The following TNRC6B variants were observed in gnomAD, a reference collection of about 807,000 sequenced individuals.
The protein encoded by TNRC6B is trinucleotide repeat containing adaptor 6B, also known as trinucleotide repeat-containing gene 6B protein.
Under a neutral mutation model 203.6 loss-of-function variants are expected in TNRC6B, and 52 were observed. The observed-to-expected ratio is 0.26, with a 90% CI of 0.20 to 0.32. The LOEUF (loss-of-function observed/expected upper bound fraction) is 0.32. Ranked by LOEUF, TNRC6B falls within the 10% of genes least tolerant of loss-of-function variation. TNRC6B has a pLI of 1.00. For synonymous variants in TNRC6B, 838 were observed against 845.7 expected (o/e 0.99, Z 0.16); for missense variants, 1,923 against 2,286.2 (o/e 0.84, Z 3.24).
intron 3 of TNRC6B, among the ~76,000 whole-genome samples, chr22:40,146,636 A>G (rs544026882): frequency 7.1e-6 from 1 of 140,612 alleles, no homozygotes; most frequent in African/African-American, 2.7e-5. Context: ...GCGCAATCTC[A>G]GCTTACTGCA....
rs1601831062 is a variant in TNRC6B at position 40,131,569 on chromosome 22, T to C, written c.45+5707T>C. Reference sequence around the variant, plus strand: ...TCCTGATTAATTCAGCACATATTTATTGAGCACCTACTGTGTGCTAGGAAC... The same window carrying C: ...TCCTGATTAATTCAGCACATATTTACTGAGCACCTACTGTGTGCTAGGAAC... On this transcript the variant is annotated intron_variant, in intron 3 of 23. Coordinates refer to the TNRC6B transcript ENST00000301923. Among the ~76,000 whole-genome samples, 3 of 152,300 alleles carry C rather than the reference T, an allele frequency of 2.0e-5. 1 individual carries two copies. In the East Asian group the frequency reaches 5.8e-4, roughly 29 times the overall value.
Position 40,203,615 on chromosome 22 carries a change from A to G in TNRC6B, c.5+25475A>G, listed in dbSNP as rs185566394. On this transcript the variant is annotated intron_variant, in intron 1 of 22. Coordinates refer to ENST00000454349, the MANE Select transcript of TNRC6B (RefSeq NM_001162501.2). ...ATTCTTTAGTTATAATAAGCTCTGTATTTAAAATGAAGTTTTGAGACCAAG... is the reference window on the plus strand; with the variant it reads ...ATTCTTTAGTTATAATAAGCTCTGTGTTTAAAATGAAGTTTTGAGACCAAG... Among the ~76,000 whole-genome samples, 14 of 151,252 alleles carry G rather than the reference A, an allele frequency of 9.3e-5. No individual in the cohort carries two copies. The East Asian group carries it at 1.5e-3, about 17-fold the overall frequency.
intron 1 of TNRC6B, chr22:40,106,916 A>G (rs1039088357): frequency 5.0e-6 from 5 of 1,001,014 alleles, no homozygotes; most frequent in African/African-American, 4.7e-5. Flanking sequence ...TTTTTCATGG[A>G]TAAACTTCCT....
chr22:40,312,123 G>A (rs937202332), intron 17 of TNRC6B, among the ~76,000 whole-genome samples: 11 of 152,218 alleles, frequency 7.2e-5, no homozygotes, highest in Non-Finnish European at 1.0e-4. Context: ...ATGAGAAAGA[G>A]CACTGATCTC....
chr22:40,078,162 C>A (rs2068034847), intron 1 of TNRC6B, among the ~76,000 whole-genome samples: 1 of 152,198 alleles, frequency 6.6e-6, no homozygotes, highest in Non-Finnish European at 1.5e-5. Context: ...AAACTTCTTT[C>A]ATGAAGCATC....
chr22:40,221,857 T>C (rs1291591091), intron 1 of TNRC6B, among the ~76,000 whole-genome samples: 1 of 151,320 alleles, frequency 6.6e-6, no homozygotes, highest in Non-Finnish European at 1.5e-5. Context: ...ACCCAGGTGT[T>C]CTGTGTAGGA....
rs1166468730 is a variant in TNRC6B, at chr22:40,132,969, A to AATAT, written c.45+7126_45+7129dup. Among the ~76,000 whole-genome samples, 271 of 78,140 alleles carry AATAT rather than the reference A, an allele frequency of 3.5e-3. 2 individuals are homozygous for AATAT. The highest frequency in any genetic ancestry group is 6.6e-3 in the African/African-American group (165 of 25,154). The allele number at this position is 78,140 out of a possible 152,430, so 51.3% of individuals were successfully genotyped here. ...AAAAAAAAAAAAAAAAAAAAAAAAA[A>AATAT]ATATATATATATATATATATATTCT... On this transcript the variant is annotated intron_variant, in intron 3 of 23. Coordinates refer to the TNRC6B transcript ENST00000301923.
chr22:40,108,303 C>T (rs1157304816), intron 1 of TNRC6B, among the ~76,000 whole-genome samples: 1 of 152,280 alleles, frequency 6.6e-6, no homozygotes, highest in East Asian at 1.9e-4. Context: ...CACAGCCCGG[C>T]AGAACCCTGC....
chr22:40,122,944 T>G (rs2068458407), intron 2 of TNRC6B, among the ~76,000 whole-genome samples: 1 of 152,192 alleles, frequency 6.6e-6, no homozygotes. Context: ...TCGGGTCTGT[T>G]GGACTCTTCA....
intron 1 of TNRC6B, among the ~76,000 whole-genome samples, chr22:40,090,852 A>G (rs973911193): frequency 6.6e-6 from 1 of 152,242 alleles, no homozygotes; most frequent in African/African-American, 2.4e-5. Context: ...AATCACTGAT[A>G]CAGGAACCGG....
intron 3 of TNRC6B, among the ~76,000 whole-genome samples, chr22:40,252,636 T>C (rs1309877991): frequency 6.6e-6 from 1 of 152,220 alleles, no homozygotes; most frequent in Non-Finnish European, 1.5e-5. Context: ...AAAGAAACCA[T>C]AATTATTAGT....
intron 1 of TNRC6B, among the ~76,000 whole-genome samples, chr22:40,113,705 T>C (rs554827258): frequency 1.3e-5 from 2 of 152,296 alleles, no homozygotes; most frequent in East Asian, 3.9e-4. Flanking sequence ...TAACTAGATA[T>C]CTTCTTGTCC....
chr22:40,165,752 A>G (rs569126482), intron 4 of TNRC6B, among the ~76,000 whole-genome samples: 2 of 152,138 alleles, frequency 1.3e-5, no homozygotes, highest in Non-Finnish European at 2.9e-5. Flanking sequence ...GTGCTGAGCA[A>G]TGGGGGGGAA....
chr22:40,154,796 G>A (rs1296431227), intron 3 of TNRC6B, among the ~76,000 whole-genome samples: 27 of 127,420 alleles, frequency 2.1e-4, no homozygotes, highest in African/African-American at 6.9e-4. Context: ...AGCCGAGATC[G>A]CACCACTGCA....
chr22:40,192,013 G>A (rs1309421110), intron 1 of TNRC6B, among the ~76,000 whole-genome samples: 1 of 152,108 alleles, frequency 6.6e-6, no homozygotes, highest in African/African-American at 2.4e-5. Flanking sequence ...ACAGACGTGA[G>A]CCACCGCGCC....
At chr22:40,172,025 A>AT (rs34287108) in intron 4 of TNRC6B, among the ~76,000 whole-genome samples, 102,574 of 150,870 alleles carry the variant, frequency 0.68, 36,678 homozygotes, top group African/African-American at 0.91. Flanking sequence ...TGCCCAGCTA[A>AT]TTTTTTTTTA....
chr22:40,254,862 G>A (rs1379993145), intron 3 of TNRC6B, among the ~76,000 whole-genome samples: 3 of 152,252 alleles, frequency 2.0e-5, no homozygotes, highest in Non-Finnish European at 4.4e-5. Flanking sequence ...ACTCCAGCTG[G>A]GACAACAGAG....
chr22:40,189,455 G>A (rs910865353), intron 1 of TNRC6B, among the ~76,000 whole-genome samples: 18 of 148,362 alleles, frequency 1.2e-4, no homozygotes, highest in Admixed American at 1.2e-3. Flanking sequence ...GATTAGTTCA[G>A]CATTTCCCGC....
intron 4 of TNRC6B, among the ~76,000 whole-genome samples, chr22:40,170,913 A>G (rs1325360061): frequency 3.5e-5 from 5 of 142,848 alleles, no homozygotes; most frequent in Non-Finnish European, 4.6e-5. Flanking sequence ...ATGTGCATAT[A>G]TGTGTGTATA....
Sources: allele counts gnomAD v4.1 joint callset (sites outside exome capture counted in the v4.1 genomes callset), GRCh38; gene constraint gnomAD v4.1.1; transcripts MANE v1.5; gene names NCBI Gene and HGNC (gene_info 2026-07-23, HGNC 2026-07-21).